HABP2: variants seen among roughly 807,000 people sequenced by gnomAD.
HABP2 encodes factor VII-activating protease.
In HABP2, 65 loss-of-function variants were observed where a neutral mutation model predicts 66.5. The observed-to-expected ratio is 0.98, with a 90% CI of 0.80 to 1.20. HABP2 has a LOEUF of 1.20. HABP2 is among the 50% of genes most tolerant of loss of function. The pLI is 0.00. For synonymous variants in HABP2, 263 were observed against 253.9 expected, an observed-to-expected ratio of 1.04 and a Z score of -0.34; for missense variants, 786 against 691.0, an observed-to-expected ratio of 1.14 and a Z score of -1.54.
chr10:113,557,165 C>T (rs1845013643), intron 1 of HABP2, among the ~76,000 whole-genome samples: 1 of 152,128 alleles, frequency 6.6e-6, no homozygotes, highest in South Asian at 2.1e-4. Context: ...AAGATGGGAG[C>T]CACTCTTTTC....
At chr10:113,581,322 C>T (rs1000292661) in intron 8 of HABP2, among the ~76,000 whole-genome samples, 23 of 152,220 alleles carry the variant, frequency 1.5e-4, no homozygotes, top group African/African-American at 5.5e-4. Context: ...AAAATGTTAT[C>T]TCTGCCTCCT....
rs1483574659 is a variant in HABP2, at chr10:113,588,719, G to T, written c.*350G>T. The T allele has an allele frequency of 9.1e-6, 5 of 546,538 alleles. No homozygotes were observed. Among genetic ancestry groups the T allele is most frequent in the Non-Finnish European group, 1.6e-5 (5 of 310,804 alleles). The allele number at this position is 546,538 out of a possible 1,614,324, so 33.9% of individuals were successfully genotyped here. ...AGACTCCAGAATCCCCAGCATCAGC[G>T]GGAACCACCATCACATCTTTATTCC... On this transcript the variant is annotated 3_prime_UTR_variant, in exon 13 of 13. Coordinates refer to ENST00000351270, the MANE Select transcript of HABP2 (RefSeq NM_004132.5).
chr10:113,558,505 G>C (rs1891766), intron 1 of HABP2, among the ~76,000 whole-genome samples: 150,999 of 152,346 alleles, frequency 0.99, 74,839 homozygotes, highest in East Asian at 1. Context: ...ACCAGCACCC[G>C]CCAGTCCTTC....
intron 9 of HABP2, among the ~76,000 whole-genome samples, chr10:113,582,688 G>C (rs909724502): frequency 6.6e-6 from 1 of 152,208 alleles, no homozygotes; most frequent in Non-Finnish European, 1.5e-5. Context: ...TGAGTCAGGT[G>C]TCTTCATCCA....
At chr10:113,586,043 C>T in intron 12 of HABP2, 105 bp downstream of exon 12, 2 of 1,005,490 alleles carry the variant, frequency 2.0e-6, no homozygotes, top group Non-Finnish European at 3.0e-6. Flanking sequence ...CAGAGGTCCA[C>T]CTGTGGTAAA....
chr10:113,576,230 C>G (rs908567837), intron 4 of HABP2, among the ~76,000 whole-genome samples: 2 of 152,172 alleles, frequency 1.3e-5, no homozygotes, highest in African/African-American at 2.4e-5. Flanking sequence ...AAGATTGAGG[C>G]TGAGAGGGGA....
rs886046743 is a variant in HABP2, at chr10:113,583,277, C to T, written c.1156C>T (p.His386Tyr). ...CCAGGACCTGAAGAAAGAAGAATTTCATGAGCAGAGCTTTAGGGTGGAGAA... is the reference window on the plus strand; with the variant it reads ...CCAGGACCTGAAGAAAGAAGAATTTTATGAGCAGAGCTTTAGGGTGGAGAA... ...GDQDLKKEEF[H>Y]EQSFRVEKIF... is the part of the protein sequence containing the mutation. Residue 386 changes from histidine to tyrosine, a missense_variant, in exon 10 of 13, where the codon CAT becomes TAT. By Grantham distance (83) the His-to-Tyr change is moderately conservative. Transcript: ENST00000351270. 4 of 1,612,086 alleles carry T rather than the reference C, an allele frequency of 2.5e-6. No individual in the cohort carries two copies. The East Asian group carries it at 8.9e-5, about 36-fold the overall frequency.
At chr10:113,583,798 C>T (rs1845585171) in intron 10 of HABP2, among the ~76,000 whole-genome samples, 1 of 152,218 alleles carries the variant, frequency 6.6e-6, no homozygotes, top group Non-Finnish European at 1.5e-5. Context: ...AATGACGTTC[C>T]TAGCTACCAG....
chr10:113,561,233 CTT>C (rs1471161720), intron 1 of HABP2, among the ~76,000 whole-genome samples: 3 of 152,122 alleles, frequency 2.0e-5, no homozygotes, highest in Non-Finnish European at 4.4e-5. Flanking sequence ...TTTGTCCTAT[CTT>C]TAATCCAGTG....
At position 113,588,991 on chromosome 10, in the gene HABP2, T is replaced by G. The variant is rs148467563; in HGVS notation, c.*622T>G. On this transcript the variant is annotated 3_prime_UTR_variant, in exon 13 of 13. Coordinates refer to ENST00000351270, the MANE Select transcript of HABP2 (RefSeq NM_004132.5). ...GGACATGGCTCACAACAGCAGGGCC[T>G]TCTTCTTTTTGACGTGCAGAATCTC... 21 of 1,608,160 alleles carry G rather than the reference T, an allele frequency of 1.3e-5. No individual in the cohort carries two copies. In the East Asian group the frequency reaches 1.3e-4, roughly 10 times the overall value.
At chr10:113,586,960 G>A (rs1471213578) in intron 12 of HABP2, among the ~76,000 whole-genome samples, 1 of 152,158 alleles carries the variant, frequency 6.6e-6, no homozygotes, top group East Asian at 1.9e-4. Context: ...CCTACTCAGA[G>A]GAGGGGCAGA....
At chr10:113,580,339 A>G (rs867717494) in intron 7 of HABP2, among the ~76,000 whole-genome samples, 2 of 152,186 alleles carry the variant, frequency 1.3e-5, no homozygotes, top group South Asian at 2.1e-4. Flanking sequence ...ATAATTTGGT[A>G]TGTCCTGTGG....
intron 2 of HABP2, among the ~76,000 whole-genome samples, chr10:113,571,146 A>G (rs1344933174): frequency 2.0e-5 from 3 of 152,180 alleles, no homozygotes; most frequent in Admixed American, 1.3e-4. Flanking sequence ...TTAGGTCACA[A>G]TTCTTTGGGT....
Position 113,578,101 on chromosome 10 carries a change from C to T in HABP2, c.524C>T (p.Thr175Ile). 2 of 1,614,150 alleles carry T rather than the reference C, an allele frequency of 1.2e-6. No homozygotes were observed. The highest frequency in any genetic ancestry group is 1.3e-5 in the African/African-American group (1 of 75,034). Residue 175 changes from threonine to isoleucine, a missense_variant, in exon 6 of 13, where the codon ACC (threonine) becomes ATC (isoleucine). Coordinates refer to ENST00000351270, the MANE Select transcript of HABP2 (RefSeq NM_004132.5). ...CSRHKRRSKF[T>I]CACPDQFKGK... is the part of the protein sequence containing the mutation. The stretch of plus-strand genomic sequence containing the variant: ...CGGCATAAGCGGAGATCCAAGTTCA[C>T]CTGTGCCTGTCCCGACCAGTTCAAG...
At chr10:113,569,472 G>A (rs780356465) in intron 2 of HABP2, among the ~76,000 whole-genome samples, 11 of 152,238 alleles carry the variant, frequency 7.2e-5, no homozygotes, top group East Asian at 5.8e-4. Context: ...ACAGCATGGC[G>A]AAAGAGACCC....
At chr10:113,572,619 T>C in intron 2 of HABP2, 1 of 417,718 alleles carries the variant, frequency 2.4e-6, no homozygotes, top group South Asian at 1.8e-5. Flanking sequence ...AACATTTTTT[T>C]CCTCATTTTC....
At chr10:113,587,338 C>CAA (rs59296183) in intron 12 of HABP2, among the ~76,000 whole-genome samples, 34,188 of 150,808 alleles carry the variant, frequency 0.23, 4,052 homozygotes, top group Admixed American at 0.34. Context: ...AACAAACAAA[C>CAA]AAAAAAAAAC....
At chr10:113,556,276 G>A (rs948034243) in intron 1 of HABP2, among the ~76,000 whole-genome samples, 3 of 152,122 alleles carry the variant, frequency 2.0e-5, no homozygotes, top group African/African-American at 7.2e-5. Context: ...TAATTGCTTG[G>A]CCACATTTGA....
chr10:113,561,923 A>G (rs1185515606), intron 1 of HABP2, among the ~76,000 whole-genome samples: 1 of 152,202 alleles, frequency 6.6e-6, no homozygotes, highest in African/African-American at 2.4e-5. Context: ...GTAAATCAGT[A>G]AGACTCAGAG....
Sources: gnomAD v4.1 joint callset for allele counts (sites outside exome capture counted in the v4.1 genomes callset) on GRCh38, gnomAD v4.1.1 for gene constraint, MANE v1.5 for transcripts, NCBI Gene and HGNC (gene_info 2026-07-23, HGNC 2026-07-21) for gene names.